Variants in ZBTB20 observed in about 807,000 individuals in gnomAD.
ZBTB20 encodes zinc finger and BTB domain-containing protein 20.
ZBTB20 carries 9 observed loss-of-function variants against 56.9 expected under a neutral mutation model. The ratio of observed to expected loss-of-function variants is 0.16; its 90% CI spans 0.10 to 0.28. The LOEUF is 0.28. Among genes scored for constraint, ZBTB20 ranks in the 10% least tolerant of loss-of-function variants. The pLI is 1.00. For missense variants in ZBTB20, 655 were observed against 1,003.0 expected (o/e 0.65, Z 4.69); for synonymous variants, 417 against 420.7 (o/e 0.99, Z 0.11).
At chr3:114,403,444 C>T (rs888558897) in intron 7 of ZBTB20, among the ~76,000 whole-genome samples, 4 of 152,112 alleles carry the variant, frequency 2.6e-5, no homozygotes, top group African/African-American at 7.2e-5. Flanking sequence ...AGTTCAGGAA[C>T]GTCTCAGGGA....
chr3:114,428,595 G>C (rs1234751511), intron 7 of ZBTB20, among the ~76,000 whole-genome samples: 1 of 152,322 alleles, frequency 6.6e-6, no homozygotes, highest in East Asian at 1.9e-4. Context: ...GTCTAAGTAA[G>C]TAAAGAAATG....
At chr3:114,814,918 C>T (rs1487473798) in intron 4 of ZBTB20, among the ~76,000 whole-genome samples, 3 of 152,076 alleles carry the variant, frequency 2.0e-5, no homozygotes, top group Non-Finnish European at 4.4e-5. Flanking sequence ...CAGCTTTTTT[C>T]TAAGTTGTAT....
intron 10 of ZBTB20, among the ~76,000 whole-genome samples, chr3:114,358,050 T>C (rs2081430169): frequency 6.6e-6 from 1 of 152,232 alleles, no homozygotes; most frequent in Admixed American, 6.5e-5. Context: ...AAGTCCCTTT[T>C]GACAGTTAAG....
At chr3:114,601,868 G>T (rs2056785775) in intron 6 of ZBTB20, among the ~76,000 whole-genome samples, 1 of 151,928 alleles carries the variant, frequency 6.6e-6, no homozygotes, top group Non-Finnish European at 1.5e-5. Context: ...GTAAATTAGG[G>T]TTAGATCACA....
At chr3:114,994,666 T>C (rs1442303733) in intron 2 of ZBTB20, among the ~76,000 whole-genome samples, 3 of 151,992 alleles carry the variant, frequency 2.0e-5, no homozygotes, top group Non-Finnish European at 2.9e-5. Flanking sequence ...TGTGTGTGCC[T>C]GTCAGGCACT....
intron 4 of ZBTB20, among the ~76,000 whole-genome samples, chr3:114,843,699 C>T (rs879403725): frequency 4.6e-5 from 7 of 151,770 alleles, no homozygotes; most frequent in Non-Finnish European, 8.8e-5. Context: ...TTTTTTGAGA[C>T]GGAGTCTCAC....
chr3:114,493,686 A>G (rs926830108), intron 7 of ZBTB20, among the ~76,000 whole-genome samples: 8 of 152,154 alleles, frequency 5.3e-5, no homozygotes, highest in Admixed American at 4.6e-4. Context: ...AAATGTTACT[A>G]TTTCAGAGAA....
intron 6 of ZBTB20, among the ~76,000 whole-genome samples, chr3:114,579,199 A>C (rs1480804102): frequency 6.6e-6 from 1 of 151,848 alleles, no homozygotes; most frequent in African/African-American, 2.4e-5. Flanking sequence ...AGATAAAATC[A>C]CAAAATAAGC....
rs1447264486 is a variant in ZBTB20 at position 114,335,187 on chromosome 3, A to C, written c.*3818T>G. The C allele has an allele frequency of 6.6e-6, 1 of 152,172 alleles. No individual in the cohort carries two copies. The highest frequency in any genetic ancestry group is 1.9e-4 in the East Asian group (1 of 5,200). The allele number at this position is 152,172 out of a possible 1,614,324, so 9.4% of individuals were successfully genotyped here. On this transcript the variant is annotated 3_prime_UTR_variant, in exon 12 of 12. Transcript: ENST00000675478. ...CATTTTAAAATTATAAATTGCTAAA[A>C]AATGTCCTTTCCATACTATTTCTCT...
At chr3:114,815,522 TG>T (rs2072854188) in intron 4 of ZBTB20, among the ~76,000 whole-genome samples, 1 of 152,190 alleles carries the variant, frequency 6.6e-6, no homozygotes, top group African/African-American at 2.4e-5. Flanking sequence ...TTTTACTATT[TG>T]GTATTGTGCT....
intron 7 of ZBTB20, among the ~76,000 whole-genome samples, chr3:114,483,883 GA>G (rs2041825080): frequency 6.6e-6 from 1 of 151,836 alleles, no homozygotes; most frequent in Non-Finnish European, 1.5e-5. Context: ...AAAATTGCAA[GA>G]GTAGTACTAA....
intron 4 of ZBTB20, among the ~76,000 whole-genome samples, chr3:114,828,159 T>A (rs2108945838): frequency 6.6e-6 from 1 of 151,878 alleles, no homozygotes; most frequent in Admixed American, 6.6e-5. Flanking sequence ...GTAGAGAAAG[T>A]CTGATTGTCA....
At chr3:114,641,237 A>T (rs1236950938) in intron 6 of ZBTB20, among the ~76,000 whole-genome samples, 3 of 151,982 alleles carry the variant, frequency 2.0e-5, no homozygotes, top group Non-Finnish European at 4.4e-5. Flanking sequence ...TGTTGTAGCA[A>T]GGGTCCTTAA....
At chr3:114,627,542 G>T (rs1323467412) in intron 6 of ZBTB20, among the ~76,000 whole-genome samples, 1 of 152,106 alleles carries the variant, frequency 6.6e-6, no homozygotes, top group Non-Finnish European at 1.5e-5. Context: ...GTTAGAGAAG[G>T]AAAGTCAGAC....
At chr3:114,561,508 G>C (rs965512711) in intron 6 of ZBTB20, among the ~76,000 whole-genome samples, 2 of 152,062 alleles carry the variant, frequency 1.3e-5, no homozygotes, top group African/African-American at 4.8e-5. Context: ...AACAACATTA[G>C]CCTCTTTGTA....
At chr3:114,347,303 T>C (rs570026008) in intron 11 of ZBTB20, among the ~76,000 whole-genome samples, 2 of 152,228 alleles carry the variant, frequency 1.3e-5, no homozygotes, top group South Asian at 2.1e-4. Context: ...TGCAGGTCTA[T>C]TGGTTTGCAT....
At chr3:114,511,308 A>G (rs1465527129) in intron 6 of ZBTB20, among the ~76,000 whole-genome samples, 2 of 152,146 alleles carry the variant, frequency 1.3e-5, no homozygotes, top group Non-Finnish European at 2.9e-5. Context: ...CAAAAGAATC[A>G]TCATATTGTA....
intron 7 of ZBTB20, among the ~76,000 whole-genome samples, chr3:114,493,168 C>A (rs1406947577): frequency 3.3e-5 from 5 of 152,128 alleles, no homozygotes; most frequent in Non-Finnish European, 7.4e-5. Context: ...CAATGTAATA[C>A]CCTTGTGATT....
intron 3 of ZBTB20, among the ~76,000 whole-genome samples, chr3:114,903,150 G>A (rs2075190149): frequency 6.6e-6 from 1 of 152,090 alleles, no homozygotes; most frequent in African/African-American, 2.4e-5. Context: ...TGGTAGTTAA[G>A]CACTTAGCTT....
Sources: gnomAD v4.1 joint callset for allele counts (sites outside exome capture counted in the v4.1 genomes callset) on GRCh38, gnomAD v4.1.1 for gene constraint, MANE v1.5 for transcripts, NCBI Gene and HGNC (gene_info 2026-07-23, HGNC 2026-07-21) for gene names.